CDCA5: variants seen among roughly 807,000 people sequenced by gnomAD.
The protein encoded by CDCA5 is sororin.
In CDCA5, 14 loss-of-function variants were observed where a neutral mutation model predicts 25.7. The ratio of observed to expected loss-of-function variants is 0.54; its 90% CI spans 0.36 to 0.85. The LOEUF is 0.85. CDCA5 is among the 40% of genes least tolerant of loss of function. CDCA5 has a pLI of 0.01. For synonymous variants in CDCA5, 127 were observed against 128.7 expected, an observed-to-expected ratio of 0.99 and a Z score of 0.09; for missense variants, 307 against 324.5, an observed-to-expected ratio of 0.95 and a Z score of 0.41.
intron 4 of CDCA5, chr11:65,067,591 G>A: frequency 9.4e-7 from 1 of 1,065,698 alleles, no homozygotes; most frequent in Admixed American, 2.4e-5. Context: ...CTGAAAGCCA[G>A]GCCTGGCCTT....
chr11:65,063,600 G>A (rs545567258), downstream of CDCA5, among the ~76,000 whole-genome samples: 2 of 152,322 alleles, frequency 1.3e-5, no homozygotes, highest in African/African-American at 2.4e-5. Context: ...AGAATGCAGC[G>A]CCTGCACATT....
At position 65,071,132 on chromosome 11, in the gene CDCA5, C is replaced by G. The variant is rs1276787335; in HGVS notation, c.64-2531G>C. Reference sequence around the variant, plus strand: ...AATTTTTTGTATTTTTTAGTAGAGACGGGGTTTCACCGTGTTAGCCAGGAT... The same window carrying G: ...AATTTTTTGTATTTTTTAGTAGAGAGGGGGTTTCACCGTGTTAGCCAGGAT... On this transcript the variant is annotated intron_variant, in intron 1 of 6. Transcript: ENST00000525464. 9.2e-5 allele frequency among the ~76,000 whole-genome samples: 14 copies of G among 151,378 alleles called. No homozygotes were observed. In the East Asian group the frequency reaches 2.5e-3, roughly 28 times the overall value.
At chr11:65,077,132 T>C (rs1018434305), downstream of CDCA5, among the ~76,000 whole-genome samples, 8 of 151,886 alleles carry the variant, frequency 5.3e-5, no homozygotes, top group Admixed American at 1.3e-4. Flanking sequence ...AATAAAAATA[T>C]AAAAATTAGC....
chr11:65,067,793 A>C, intron 3 of CDCA5: 1 of 846,238 alleles, frequency 1.2e-6, no homozygotes, highest in Non-Finnish European at 1.7e-6. Context: ...CAGAGGGTCT[A>C]GGGGATGAGG....
chr11:65,067,028 C>A (rs971329543), intron 4 of CDCA5: 2 of 454,482 alleles, frequency 4.4e-6, no homozygotes, highest in Admixed American at 2.7e-5. Context: ...CCTGTCCCGG[C>A]AAAACCACAG....
chr11:65,079,480 A>C lies in CDCA5; in HGVS notation c.551T>G (p.Val184Gly), dbSNP rs1195970603. 7 of 1,613,904 alleles carry C rather than the reference A, an allele frequency of 4.3e-6. No individual in the cohort carries two copies. The highest frequency in any genetic ancestry group is 5.9e-6 in the Non-Finnish European group (7 of 1,180,006). The change falls in exon 5 of 6, where the codon GTG (valine) becomes GGG (glycine). Residue 184 changes from valine (V) to glycine (G), a missense_variant. By Grantham distance (109) the Val-to-Gly change is moderately radical. Coordinates refer to ENST00000275517, the MANE Select transcript of CDCA5 (RefSeq NM_080668.4). ...AEDLSGVSPV[V>G]CSKLTEVPRV... ...GGGGACCTCGGTGAGTTTGGAGCACACCACTGGCGAGACTCCGGACAAGTC... is the reference window on the plus strand; with the variant it reads ...GGGGACCTCGGTGAGTTTGGAGCACCCCACTGGCGAGACTCCGGACAAGTC...
intron 1 of CDCA5, among the ~76,000 whole-genome samples, chr11:65,071,101 C>T (rs557593749): frequency 5.2e-4 from 79 of 151,264 alleles, no homozygotes; most frequent in Non-Finnish European, 9.1e-4. Flanking sequence ...GCCACCACAC[C>T]CGGCTAATTT....
At chr11:65,082,595 T>C (rs1294408546) in intron 4 of CDCA5, among the ~76,000 whole-genome samples, 2 of 151,632 alleles carry the variant, frequency 1.3e-5, no homozygotes, top group African/African-American at 4.8e-5. Flanking sequence ...CCTGAGTAGC[T>C]GGGACTATAG....
intron 4 of CDCA5, among the ~76,000 whole-genome samples, chr11:65,080,010 C>G (rs1275830578): frequency 6.6e-6 from 1 of 151,936 alleles, no homozygotes; most frequent in African/African-American, 2.4e-5. Context: ...CCTGCCTCAG[C>G]CTTCCGAGTA....
downstream of CDCA5, among the ~76,000 whole-genome samples, chr11:65,075,596 GGAA>G (rs573719661): frequency 2.1e-3 from 318 of 152,232 alleles, 2 homozygotes; most frequent in African/African-American, 5.4e-3. Flanking sequence ...ATGGGGTGAA[GGAA>G]GAAGGAGCTG....
downstream of CDCA5, among the ~76,000 whole-genome samples, chr11:65,061,794 AAC>A (rs1321556705): frequency 1.3e-5 from 2 of 150,892 alleles, no homozygotes; most frequent in Non-Finnish European, 3.0e-5. Context: ...AAAAAAAAAA[AAC>A]AAAAAAAACC....
At chr11:65,083,868 A>G in intron 1 of CDCA5, 65 bp downstream of exon 1, 1 of 1,603,448 alleles carries the variant, frequency 6.2e-7, no homozygotes, top group Non-Finnish European at 8.5e-7. Context: ...GGAAGAGGCC[A>G]TCTTTCACCG....
rs1328409366 is a variant in CDCA5 at position 65,079,678 on chromosome 11, G to A, written c.353C>T (p.Pro118Leu). 3.8e-6 allele frequency: 6 copies of A among 1,594,672 alleles called. No homozygotes were observed. The highest frequency in any genetic ancestry group is 3.4e-6 in the Non-Finnish European group (4 of 1,168,942). Residue 118 changes from proline to leucine, a missense_variant, in exon 5 of 6, where the codon CCG becomes CTG. By Grantham distance (98) the Pro-to-Leu change is moderately conservative (BLOSUM62 -3). Transcript: ENST00000275517. ...VPATPTSTPV[P>L]NPEAESSSKE... ...GGAGCTGGACTCGGCCTCAGGGTTC[G>A]GCACAGGAGTGCTGGTGGGGGTGGC...
downstream of CDCA5, among the ~76,000 whole-genome samples, chr11:65,073,660 C>T (rs1302099042): frequency 6.6e-6 from 1 of 152,152 alleles, no homozygotes. Flanking sequence ...TGTCAGGAGC[C>T]CCCTAGACCA....
downstream of CDCA5, among the ~76,000 whole-genome samples, chr11:65,074,681 G>GT (rs1441627282): frequency 6.9e-6 from 1 of 144,160 alleles, no homozygotes; most frequent in African/African-American, 2.6e-5. Flanking sequence ...GGAGGTTGCA[G>GT]TGAGCCCAGA....
rs954713669 is a variant in CDCA5 at position 65,077,508 on chromosome 11, C to T, written c.*1599G>A. ...TTTTTCCAACTCTAAAACAAAATCC[C>T]ATTTTTTCCTTAAATTTAGTTCCTC... On this transcript the variant is annotated 3_prime_UTR_variant, in exon 6 of 6. Transcript: ENST00000275517. 6.1e-6 allele frequency: 6 copies of T among 985,380 alleles called. No individual in the cohort carries two copies. Among genetic ancestry groups the T allele is most frequent in the Non-Finnish European group, 7.2e-6 (6 of 829,914 alleles). The allele number at this position is 985,380 out of a possible 1,614,324, so 61.0% of individuals were successfully genotyped here.
At chr11:65,071,207 G>A (rs1244953933) in intron 1 of CDCA5, among the ~76,000 whole-genome samples, 1 of 151,958 alleles carries the variant, frequency 6.6e-6, no homozygotes, top group Non-Finnish European at 1.5e-5. Context: ...CTCCCAAAGT[G>A]CTGAGATTAT....
chr11:65,083,733 G>GAA lies in CDCA5; in HGVS notation c.47-12_47-11dup. On this transcript the variant is annotated splice_polypyrimidine_tract_variant and intron_variant, in intron 1 of 5. Transcript: ENST00000275517. Reference sequence around the variant, plus strand: ...GATGGGGCCCTTGGCCCTGGAAAGAGAAAAAAGTTAAGTGGTAGAGGAGGA... The same window carrying GAA: ...GATGGGGCCCTTGGCCCTGGAAAGAGAAAAAAAAGTTAAGTGGTAGAGGAGGA... 1.9e-6 allele frequency: 3 copies of GAA among 1,606,192 alleles called. No individual in the cohort carries two copies. The South Asian group carries it at 3.3e-5, about 18-fold the overall frequency.
rs149256940 is a variant in CDCA5 at position 65,079,377 on chromosome 11, C to T, written c.654G>A (p.Lys218=). The T allele has an allele frequency of 2.7e-3, 4,393 of 1,614,106 alleles. 8 individuals are homozygous for T. The highest frequency in any genetic ancestry group is 3.6e-3 in the Non-Finnish European group (4,222 of 1,180,008). ...ISPPPEKQKR[K]KKKMPEILKT... Reference sequence around the variant, plus strand: ...CCAAGATCTCTGGCATTTTCTTCTTCTTACGTTTCTGTTTCTCGGGTGGTG... The same window carrying T: ...CCAAGATCTCTGGCATTTTCTTCTTTTTACGTTTCTGTTTCTCGGGTGGTG... Residue 218 remains lysine, a synonymous_variant, in exon 5 of 6, where the codon AAG becomes AAA. Transcript: ENST00000275517.
Sources: allele counts gnomAD v4.1 joint callset (sites outside exome capture counted in the v4.1 genomes callset), GRCh38; gene constraint gnomAD v4.1.1; transcripts MANE v1.5; gene names NCBI Gene and HGNC (gene_info 2026-07-23, HGNC 2026-07-21).